Variants in SMYD3 observed in about 807,000 individuals in gnomAD.
SMYD3 encodes histone-lysine N-methyltransferase SMYD3.
A neutral mutation model predicts 57.7 loss-of-function variants in SMYD3; 36 were observed. The ratio of observed to expected loss-of-function variants is 0.62; its 90% CI spans 0.48 to 0.82. SMYD3 has a LOEUF of 0.82. SMYD3 is among the 40% of genes least tolerant of loss of function. The pLI is 0.00. For missense variants in SMYD3, 515 were observed against 538.8 expected (o/e 0.96, Z 0.44); for synonymous variants, 211 against 195.0 (o/e 1.08, Z -0.68).
intron 10 of SMYD3, among the ~76,000 whole-genome samples, chr1:245,807,707 C>G (rs2048256776): frequency 6.6e-6 from 1 of 151,956 alleles, no homozygotes; most frequent in African/African-American, 2.4e-5. Context: ...CCCCCCTTCC[C>G]TTTCAGAGAC....
intron 5 of SMYD3, among the ~76,000 whole-genome samples, chr1:246,170,532 T>A (rs1373004479): frequency 6.6e-6 from 1 of 152,124 alleles, no homozygotes; most frequent in Non-Finnish European, 1.5e-5. Context: ...TTAGGAATTC[T>A]ACTATGAGTA....
At chr1:246,105,088 A>C (rs189788523) in intron 5 of SMYD3, among the ~76,000 whole-genome samples, 1 of 152,172 alleles carries the variant, frequency 6.6e-6, no homozygotes, top group Non-Finnish European at 1.5e-5. Flanking sequence ...TGGCCACACC[A>C]TCCTAACAGG....
intron 10 of SMYD3, among the ~76,000 whole-genome samples, chr1:245,856,507 CTG>C (rs2051248305): frequency 6.6e-6 from 1 of 152,220 alleles, no homozygotes. Flanking sequence ...ACATAATGGA[CTG>C]TATTCTGGTG....
intron 5 of SMYD3, among the ~76,000 whole-genome samples, chr1:246,093,398 A>ATATAATGCATATATGTGTGGTGG (rs2060854935): frequency 1.3e-5 from 2 of 152,358 alleles, no homozygotes; most frequent in East Asian, 3.9e-4. Context: ...CATAAAGAAA[A>ATATAATGCATATATGTGTGGTGG]TATAATGCAT....
At chr1:246,000,880 G>A (rs2059028463) in intron 5 of SMYD3, among the ~76,000 whole-genome samples, 1 of 152,296 alleles carries the variant, frequency 6.6e-6, no homozygotes, top group South Asian at 2.1e-4. Context: ...ATGACATATG[G>A]AGTGTTTGGA....
At chr1:245,818,362 C>T (rs1206974615) in intron 10 of SMYD3, among the ~76,000 whole-genome samples, 1 of 151,994 alleles carries the variant, frequency 6.6e-6, no homozygotes, top group Non-Finnish European at 1.5e-5. Context: ...TTTGTCACCA[C>T]CAGGCCTGCC....
intron 8 of SMYD3, among the ~76,000 whole-genome samples, chr1:245,896,605 G>A (rs1289226704): frequency 1.3e-5 from 2 of 152,154 alleles, no homozygotes; most frequent in African/African-American, 2.4e-5. Context: ...AGAATGGGGT[G>A]AGGCTACCTT....
Position 245,842,287 on chromosome 1 carries a change from A to T in SMYD3, c.1076+16209T>A, listed in dbSNP as rs75674426. Among the ~76,000 whole-genome samples, 363 of 152,312 alleles carry T rather than the reference A, an allele frequency of 2.4e-3. 1 individual carries two copies. The highest frequency in any genetic ancestry group is 8.2e-3 in the African/African-American group (341 of 41,568). The stretch of plus-strand genomic sequence containing the variant: ...CAGGGCTACTAAATCGTCATGGGTA[A>T]ATGTGCATATCTGAAAACTAGGCTC... On this transcript the variant is annotated intron_variant, in intron 10 of 11. Transcript: ENST00000490107.
At chr1:245,982,786 T>C (rs902853780) in intron 5 of SMYD3, among the ~76,000 whole-genome samples, 17 of 152,200 alleles carry the variant, frequency 1.1e-4, no homozygotes, top group African/African-American at 4.1e-4. Flanking sequence ...TGGGTTCGCT[T>C]TGAGGACTGT....
intron 10 of SMYD3, among the ~76,000 whole-genome samples, chr1:245,853,102 T>G (rs2051057615): frequency 1.3e-5 from 2 of 152,180 alleles, no homozygotes; most frequent in Non-Finnish European, 2.9e-5. Flanking sequence ...GTGAAATAAT[T>G]CTCTAAATCT....
intron 1 of SMYD3, among the ~76,000 whole-genome samples, chr1:246,362,430 C>T (rs1490949657): frequency 7.8e-6 from 1 of 127,984 alleles, no homozygotes; most frequent in African/African-American, 2.9e-5. Context: ...TCTCCCTCTC[C>T]CTTTCCCACG....
At chr1:246,129,953 G>A (rs1002707091) in intron 5 of SMYD3, among the ~76,000 whole-genome samples, 2 of 152,146 alleles carry the variant, frequency 1.3e-5, no homozygotes, top group Non-Finnish European at 2.9e-5. Context: ...ATTCTGCCAA[G>A]TCAAATATAT....
chr1:245,920,267 CAT>C (rs1231532235), intron 7 of SMYD3, among the ~76,000 whole-genome samples: 37 of 135,688 alleles, frequency 2.7e-4, no homozygotes, highest in South Asian at 1.6e-3. Context: ...GAGACGAGAT[CAT>C]GCCACTGCAC....
intron 10 of SMYD3, among the ~76,000 whole-genome samples, chr1:245,793,887 A>T (rs151290145): frequency 6.6e-6 from 1 of 152,266 alleles, no homozygotes; most frequent in East Asian, 1.9e-4. Context: ...ATGACAGTTA[A>T]CCCAGCTTTC....
intron 2 of SMYD3, among the ~76,000 whole-genome samples, chr1:246,353,979 C>T (rs923875098): frequency 9.9e-5 from 15 of 152,126 alleles, no homozygotes; most frequent in African/African-American, 3.6e-4. Flanking sequence ...ATTTCTTTTC[C>T]ATTAAGACCA....
chr1:246,135,416 G>A (rs1161897086), intron 5 of SMYD3, among the ~76,000 whole-genome samples: 1 of 152,110 alleles, frequency 6.6e-6, no homozygotes, highest in African/African-American at 2.4e-5. Flanking sequence ...TAAAATGACA[G>A]AGGGGCAAAA....
chr1:246,199,127 T>C (rs557446936), intron 5 of SMYD3, among the ~76,000 whole-genome samples: 3 of 151,084 alleles, frequency 2.0e-5, no homozygotes, highest in South Asian at 4.2e-4. Context: ...CCATCCCCTC[T>C]TCCCCCTCTA....
rs1001095331 is a variant in SMYD3, at chr1:246,186,433, G to A, written c.531+140768C>T. On this transcript the variant is annotated intron_variant, in intron 5 of 11. Coordinates refer to ENST00000490107, the MANE Select transcript of SMYD3 (RefSeq NM_001167740.2). ...CTAGTACAGCTCAAAGACAGTGAAA[G>A]GCAGAGCTGACCTGATGGTTGAGTA... Among the ~76,000 whole-genome samples the A allele has an allele frequency of 5.3e-5, 8 of 152,152 alleles. No homozygotes were observed. The East Asian group carries it at 5.8e-4, about 11-fold the overall frequency.
intron 10 of SMYD3, among the ~76,000 whole-genome samples, chr1:245,810,265 AAG>A (rs1262576273): frequency 2.0e-5 from 3 of 152,172 alleles, no homozygotes; most frequent in Admixed American, 6.5e-5. Flanking sequence ...ACTCAGAACT[AAG>A]AGCCTACAAC....
Sources: allele counts gnomAD v4.1 joint callset (sites outside exome capture counted in the v4.1 genomes callset), GRCh38; gene constraint gnomAD v4.1.1; transcripts MANE v1.5; gene names NCBI Gene and HGNC (gene_info 2026-07-23, HGNC 2026-07-21).